PLCB4: variants seen among roughly 807,000 people sequenced by gnomAD.
PLCB4 encodes 1-phosphatidylinositol 4,5-bisphosphate phosphodiesterase beta-4.
PLCB4 carries 77 observed loss-of-function variants against 178.8 expected under a neutral mutation model. That is an observed-to-expected ratio of 0.43 (90% confidence interval 0.36 to 0.52). The LOEUF (loss-of-function observed/expected upper bound fraction) is 0.52. Ranked by LOEUF, PLCB4 falls within the 20% of genes least tolerant of loss-of-function variation. The pLI is 0.00. For synonymous variants in PLCB4, 496 were observed against 490.8 expected (o/e 1.01, Z -0.14); for missense variants, 1,024 against 1,453.4 (o/e 0.70, Z 4.80).
Position 9,393,642 on chromosome 20 carries a change from A to G in PLCB4, c.1378A>G (p.Ile460Val). 6.2e-7 allele frequency: 1 copy of G among 1,613,508 alleles called. No individual in the cohort carries two copies. The highest frequency in any genetic ancestry group is 8.5e-7 in the Non-Finnish European group (1 of 1,179,462). The change falls in exon 18 of 40, where the codon ATA becomes GTA. Residue 460 changes from isoleucine (I) to valine (V), a missense_variant. Ile to Val is a conservative substitution (Grantham distance 29). This residue lies in a region of PLCB4 where 263 missense variants were observed against 417.4 expected (regional missense o/e 0.63). Coordinates refer to ENST00000378473, the MANE Select transcript of PLCB4 (RefSeq NM_001377142.1). ...SPNDLKRKIL[I>V]KNKRLKPEVE... ...CAATGACCTCAAAAGAAAAATACTCATAAAAAACAAGCGGCTGAAACCTGA... is the reference window on the plus strand; with the variant it reads ...CAATGACCTCAAAAGAAAAATACTCGTAAAAAACAAGCGGCTGAAACCTGA...
At chr20:9,235,336 A>G (rs971537861) in intron 3 of PLCB4, among the ~76,000 whole-genome samples, 6 of 152,196 alleles carry the variant, frequency 3.9e-5, no homozygotes, top group Non-Finnish European at 5.9e-5. Context: ...CAAATACACA[A>G]TTGGAAGTTA....
At chr20:9,295,853 G>A (rs372178473) in intron 3 of PLCB4, among the ~76,000 whole-genome samples, 4 of 152,206 alleles carry the variant, frequency 2.6e-5, no homozygotes, top group South Asian at 2.1e-4. Context: ...CTCAGGTAGC[G>A]TGATGCCTCC....
intron 3 of PLCB4, among the ~76,000 whole-genome samples, chr20:9,236,063 G>A (rs2093989340): frequency 6.6e-6 from 1 of 152,176 alleles, no homozygotes; most frequent in Admixed American, 6.5e-5. Flanking sequence ...TTCCCAATAT[G>A]CGGGATCCCC....
chr20:9,386,480 A>AT (rs887582295), intron 14 of PLCB4, among the ~76,000 whole-genome samples: 3 of 151,818 alleles, frequency 2.0e-5, no homozygotes, highest in Admixed American at 6.5e-5. Flanking sequence ...ACAATACTTT[A>AT]TTTTTTTAAT....
intron 17 of PLCB4, 21 bp downstream of exon 17, chr20:9,390,636 A>G (rs78585493): frequency 3.3e-6 from 4 of 1,214,354 alleles, no homozygotes; most frequent in South Asian, 2.4e-5. Flanking sequence ...TTAACAAACC[A>G]TATTTCTAGC....
At chr20:9,289,336 A>G (rs1568529688) in intron 3 of PLCB4, among the ~76,000 whole-genome samples, 2 of 152,098 alleles carry the variant, frequency 1.3e-5, no homozygotes, top group South Asian at 4.1e-4. Flanking sequence ...TCTCTATCAT[A>G]TTTGGAACAC....
chr20:9,416,593 C>T (rs2040264983), intron 25 of PLCB4, among the ~76,000 whole-genome samples: 1 of 152,166 alleles, frequency 6.6e-6, no homozygotes, highest in African/African-American at 2.4e-5. Flanking sequence ...ACCTACTTTC[C>T]ATCCTGATTC....
intron 25 of PLCB4, among the ~76,000 whole-genome samples, chr20:9,419,076 T>C (rs1410576952): frequency 1.3e-5 from 2 of 152,170 alleles, no homozygotes; most frequent in Admixed American, 1.3e-4. Context: ...TTAGAGTTTT[T>C]TTTTATTTAT....
intron 3 of PLCB4, among the ~76,000 whole-genome samples, chr20:9,236,046 C>T (rs1207115817): frequency 6.6e-6 from 1 of 152,312 alleles, no homozygotes; most frequent in East Asian, 1.9e-4. Flanking sequence ...GATAAAGAAA[C>T]AGGACATTCC....
intron 3 of PLCB4, among the ~76,000 whole-genome samples, chr20:9,237,200 A>C (rs1371603255): frequency 6.6e-6 from 1 of 152,158 alleles, no homozygotes; most frequent in Admixed American, 6.5e-5. Flanking sequence ...GACTTTTCAT[A>C]TGTAGGATAC....
chr20:9,140,747 CCT>C (rs2146868721), intron 2 of PLCB4, among the ~76,000 whole-genome samples: 1 of 152,132 alleles, frequency 6.6e-6, no homozygotes, highest in African/African-American at 2.4e-5. Flanking sequence ...GTAAAAGCTT[CCT>C]GAGACCTCAC....
intron 3 of PLCB4, among the ~76,000 whole-genome samples, chr20:9,258,164 C>T (rs963691140): frequency 6.6e-6 from 1 of 152,162 alleles, no homozygotes; most frequent in Non-Finnish European, 1.5e-5. Flanking sequence ...CATCATCTCC[C>T]CTGGGCAGCA....
Position 9,152,481 on chromosome 20 carries a change from C to T in PLCB4, c.-79+56139C>T, listed in dbSNP as rs966928216. ...GGCTAACATAGAGCTTGGGCTGTGG[C>T]TTCAAAGTGTAGAAGCCCTAAGCCT... On this transcript the variant is annotated intron_variant, in intron 2 of 39. Transcript: ENST00000378473. Among the ~76,000 whole-genome samples the T allele has an allele frequency of 3.9e-5, 6 of 152,290 alleles. No homozygotes were observed. In the South Asian group the frequency reaches 1.0e-3, roughly 26 times the overall value.
intron 25 of PLCB4, among the ~76,000 whole-genome samples, chr20:9,416,270 G>A (rs553977950): frequency 8.5e-5 from 13 of 152,240 alleles, no homozygotes; most frequent in Non-Finnish European, 1.6e-4. Context: ...TTGTGATCCC[G>A]TTTCTTATTT....
At chr20:9,309,658 G>C (rs571382873) in intron 4 of PLCB4, among the ~76,000 whole-genome samples, 57 of 152,298 alleles carry the variant, frequency 3.7e-4, no homozygotes, top group African/African-American at 1.3e-3. Context: ...TAATAATTCA[G>C]AGAAGGTAAT....
chr20:9,116,590 G>C (rs556871549), intron 2 of PLCB4, among the ~76,000 whole-genome samples: 1 of 152,094 alleles, frequency 6.6e-6, no homozygotes, highest in Non-Finnish European at 1.5e-5. Context: ...TAGGAGCCTC[G>C]GTTGCCTTCC....
intron 2 of PLCB4, among the ~76,000 whole-genome samples, chr20:9,194,642 G>A (rs2093446427): frequency 6.9e-6 from 1 of 144,504 alleles, no homozygotes; most frequent in Non-Finnish European, 1.5e-5. Context: ...GCAGTGAGTG[G>A]AGATTGCGCC....
Position 9,408,835 on chromosome 20 carries a change from G to C in PLCB4, c.1874+118G>C, listed in dbSNP as rs73248726. On this transcript the variant is annotated intron_variant, in intron 23 of 39. Transcript: ENST00000378473. The stretch of plus-strand genomic sequence containing the variant: ...TGGTGGAGTTCATAAAATGATATGT[G>C]GGAAAGACCATGGCAGCTGTGACAA... The C allele has an allele frequency of 0.012, 8,772 of 705,968 alleles. 555 individuals carry two copies. In the African/African-American group the frequency reaches 0.14, roughly 11 times the overall value. 43.7% of individuals were successfully genotyped at this position (705,968 alleles called of 1,614,324 possible).
chr20:9,209,672 TA>T (rs1159703018), intron 2 of PLCB4, among the ~76,000 whole-genome samples: 2 of 152,074 alleles, frequency 1.3e-5, no homozygotes, highest in East Asian at 3.9e-4. Context: ...AGTGAACTTG[TA>T]AGCACATTAT....
Sources: gnomAD v4.1 joint callset for allele counts (sites outside exome capture counted in the v4.1 genomes callset) on GRCh38, gnomAD v4.1.1 for gene constraint, gnomAD v4.1.1 regional missense constraint, MANE v1.5 for transcripts, NCBI Gene and HGNC (gene_info 2026-07-23, HGNC 2026-07-21) for gene names.